Variants in GSAP observed in about 807,000 individuals in gnomAD.
GSAP encodes the protein gamma-secretase activating protein.
A neutral mutation model predicts 131.7 loss-of-function variants in GSAP; 118 were observed. The observed-to-expected ratio is 0.90, with a 90% CI of 0.77 to 1.04. GSAP has a LOEUF of 1.04. Among genes scored for constraint, GSAP ranks in the 50% least tolerant of loss-of-function variants. The pLI, the probability that GSAP is intolerant of heterozygous loss-of-function variation, is 0.00. For missense variants in GSAP, 1,019 were observed against 1,013.2 expected (o/e 1.01, Z -0.08); for synonymous variants, 381 against 363.4 (o/e 1.05, Z -0.55).
chr7:77,338,019 G>C (rs1758304548), intron 19 of GSAP, among the ~76,000 whole-genome samples: 1 of 151,978 alleles, frequency 6.6e-6, no homozygotes, highest in Non-Finnish European at 1.5e-5. Flanking sequence ...ACAAAAATTA[G>C]CCAGGCATGG....
chr7:77,409,733 A>T (rs1241272579), intron 1 of GSAP, among the ~76,000 whole-genome samples: 1 of 152,222 alleles, frequency 6.6e-6, no homozygotes, highest in Non-Finnish European at 1.5e-5. Context: ...GTACAGTTAA[A>T]AGGTTTCGGC....
At chr7:77,335,335 T>C (rs1789824392) in intron 19 of GSAP, among the ~76,000 whole-genome samples, 1 of 152,058 alleles carries the variant, frequency 6.6e-6, no homozygotes, top group Admixed American at 6.5e-5. Context: ...GAGGCAGAGG[T>C]TGCAGTAAGC....
At chr7:77,375,130 C>T (rs763875901) in intron 10 of GSAP, 29 bp from the exon 11 acceptor site, 6 of 1,416,180 alleles carry the variant, frequency 4.2e-6, no homozygotes, top group Non-Finnish European at 5.9e-6. Context: ...AAAATGAACC[C>T]AAAATGACAG....
intron 19 of GSAP, among the ~76,000 whole-genome samples, chr7:77,335,391 G>A (rs974463725): frequency 2.6e-5 from 4 of 152,136 alleles, no homozygotes; most frequent in Admixed American, 1.3e-4. Context: ...GAATGAGACT[G>A]TTTCATAAAA....
At chr7:77,400,841 C>T (rs1299488717) in intron 3 of GSAP, among the ~76,000 whole-genome samples, 1 of 151,388 alleles carries the variant, frequency 6.6e-6, no homozygotes, top group East Asian at 1.9e-4. Context: ...TAAGTAATTA[C>T]AAGCATGCTT....
At chr7:77,354,667 C>T (rs1333785034) in intron 16 of GSAP, among the ~76,000 whole-genome samples, 2 of 134,538 alleles carry the variant, frequency 1.5e-5, no homozygotes, top group Non-Finnish European at 3.2e-5. Context: ...TAAAATAAAA[C>T]GTCTAATGTC....
chr7:77,317,086 A>G (rs1322401170), intron 26 of GSAP, among the ~76,000 whole-genome samples: 1 of 152,076 alleles, frequency 6.6e-6, no homozygotes, highest in Non-Finnish European at 1.5e-5. Flanking sequence ...AAGCATGCAC[A>G]TGCACACACA....
chr7:77,373,979 A>G (rs1796485134), intron 12 of GSAP, 91 bp downstream of exon 12: 1 of 740,914 alleles, frequency 1.3e-6, no homozygotes, highest in Non-Finnish European at 2.4e-6. Flanking sequence ...GCTCTGTTCT[A>G]TTTTCAGACT....
At chr7:77,371,203 C>T (rs767810068) in intron 12 of GSAP, among the ~76,000 whole-genome samples, 4 of 152,120 alleles carry the variant, frequency 2.6e-5, no homozygotes, top group Non-Finnish European at 5.9e-5. Flanking sequence ...CCTCAGTAAA[C>T]GACACTACTG....
chr7:77,397,619 G>A (rs536416869), intron 3 of GSAP, among the ~76,000 whole-genome samples: 144 of 152,290 alleles, frequency 9.5e-4, no homozygotes, highest in African/African-American at 3.2e-3. Context: ...TGTTGGCACC[G>A]ATATTTAGCC....
At chr7:77,338,166 A>G (rs1394914116) in intron 19 of GSAP, among the ~76,000 whole-genome samples, 1 of 152,054 alleles carries the variant, frequency 6.6e-6, no homozygotes, top group Non-Finnish European at 1.5e-5. Flanking sequence ...CCCTATCTCA[A>G]TCAATCAATC....
At chr7:77,321,218 G>T in intron 25 of GSAP, 115 bp downstream of exon 25, 2 of 700,558 alleles carry the variant, frequency 2.9e-6, no homozygotes, top group East Asian at 2.7e-5. Flanking sequence ...TAAGCTAGAT[G>T]GTGTTGAAGC....
At chr7:77,322,547 G>T (rs111912454) in intron 24 of GSAP, among the ~76,000 whole-genome samples, 27 of 150,554 alleles carry the variant, frequency 1.8e-4, no homozygotes, top group African/African-American at 6.3e-4. Context: ...AAATAAAGGT[G>T]ATAGGTGGAT....
chr7:77,376,489 C>A (rs1796879709), intron 10 of GSAP, among the ~76,000 whole-genome samples: 1 of 152,104 alleles, frequency 6.6e-6, no homozygotes, highest in East Asian at 1.9e-4. Flanking sequence ...AGAGAGTAAT[C>A]TATAGGCTGG....
chr7:77,328,181 C>G, intron 22 of GSAP: 1 of 990,336 alleles, frequency 1.0e-6, no homozygotes. Flanking sequence ...AGCTCCTCAT[C>G]TTTATGCCTC....
intron 18 of GSAP, chr7:77,351,634 G>A: frequency 1.1e-5 from 11 of 985,552 alleles, no homozygotes; most frequent in Non-Finnish European, 1.3e-5. Flanking sequence ...CGCTCTTCTT[G>A]GACTTCCTGA....
intron 19 of GSAP, among the ~76,000 whole-genome samples, chr7:77,331,495 C>G (rs1789149449): frequency 6.6e-6 from 1 of 152,104 alleles, no homozygotes; most frequent in African/African-American, 2.4e-5. Flanking sequence ...GGTGACAAGA[C>G]TTGGCTGAAC....
intron 19 of GSAP, among the ~76,000 whole-genome samples, chr7:77,338,657 T>C (rs1367396965): frequency 2.0e-5 from 3 of 152,194 alleles, no homozygotes; most frequent in African/African-American, 7.2e-5. Context: ...AAGTTGGCTC[T>C]GTGGGGTCTC....
intron 24 of GSAP, among the ~76,000 whole-genome samples, chr7:77,322,180 T>C (rs1315038372): frequency 6.6e-6 from 1 of 152,198 alleles, no homozygotes; most frequent in Non-Finnish European, 1.5e-5. Context: ...ATCCTCAGTT[T>C]CTCTTTGGCT....
Sources: gnomAD v4.1 joint callset for allele counts (sites outside exome capture counted in the v4.1 genomes callset) on GRCh38, gnomAD v4.1.1 for gene constraint, MANE v1.5 for transcripts, NCBI Gene and HGNC (gene_info 2026-07-23, HGNC 2026-07-21) for gene names.